Variants in GRK3 observed in about 807,000 individuals in gnomAD.
GRK3 encodes G protein-coupled receptor kinase 3.
GRK3 carries 54 observed loss-of-function variants against 95.7 expected under a neutral mutation model. The ratio of observed to expected loss-of-function variants is 0.56; its 90% CI spans 0.45 to 0.71. The LOEUF is 0.71. Among genes scored for constraint, GRK3 ranks in the 30% least tolerant of loss-of-function variants. The probability of loss-of-function intolerance (pLI) is 0.00; values close to 1 mark genes in which losing one functional copy is unlikely to be tolerated. For missense variants in GRK3, 649 were observed against 851.2 expected (o/e 0.76, Z 2.96); for synonymous variants, 281 against 290.8 (o/e 0.97, Z 0.34).
At chr22:25,584,161 C>G (rs1020406164) in intron 1 of GRK3, among the ~76,000 whole-genome samples, 1 of 152,234 alleles carries the variant, frequency 6.6e-6, no homozygotes, top group Non-Finnish European at 1.5e-5. Flanking sequence ...TTTGAAAGCT[C>G]TGCTTTAGCC....
intron 5 of GRK3, among the ~76,000 whole-genome samples, chr22:25,665,487 C>T (rs2084935626): frequency 2.0e-5 from 3 of 152,100 alleles, no homozygotes; most frequent in African/African-American, 4.8e-5. Context: ...AGGATTCTTT[C>T]ATACCTTCAA....
At chr22:25,675,813 A>G (rs1203989353) in intron 8 of GRK3, among the ~76,000 whole-genome samples, 1 of 152,130 alleles carries the variant, frequency 6.6e-6, no homozygotes, top group Middle Eastern at 3.2e-3. Flanking sequence ...ATTTGTACCC[A>G]TTGGTTGTCT....
At chr22:25,665,218 T>TTAG (rs1308896339) in intron 5 of GRK3, among the ~76,000 whole-genome samples, 1 of 152,268 alleles carries the variant, frequency 6.6e-6, no homozygotes, top group East Asian at 1.9e-4. Flanking sequence ...TCCACAAATG[T>TTAG]TAGCTATTAT....
At chr22:25,714,875 G>A (rs1327220836) in intron 18 of GRK3, among the ~76,000 whole-genome samples, 1 of 152,096 alleles carries the variant, frequency 6.6e-6, no homozygotes, top group African/African-American at 2.4e-5. Context: ...AGTGTCTGGA[G>A]TGGGGTTGGT....
At chr22:25,691,167 A>T (rs1377690568) in intron 12 of GRK3, among the ~76,000 whole-genome samples, 1 of 152,176 alleles carries the variant, frequency 6.6e-6, no homozygotes, top group Non-Finnish European at 1.5e-5. Flanking sequence ...GTATGAACAC[A>T]TGTACAGTTT....
At chr22:25,716,652 C>T (rs2085387983) in intron 18 of GRK3, among the ~76,000 whole-genome samples, 1 of 152,094 alleles carries the variant, frequency 6.6e-6, no homozygotes, top group Non-Finnish European at 1.5e-5. Context: ...TGGTCCTCCA[C>T]ATCTCAGGTT....
chr22:25,691,946 A>G (rs2085167835), intron 12 of GRK3, among the ~76,000 whole-genome samples: 1 of 152,170 alleles, frequency 6.6e-6, no homozygotes. Context: ...TTAAAAAGGT[A>G]AACATACAAC....
At chr22:25,678,176 C>T (rs2223337) in intron 8 of GRK3, among the ~76,000 whole-genome samples, 18,056 of 152,146 alleles carry the variant, frequency 0.12, 1,466 homozygotes, top group East Asian at 0.31. Flanking sequence ...CACTGCTGGC[C>T]GGGCACGGTG....
At chr22:25,631,918 A>G (rs2084666920) in intron 2 of GRK3, among the ~76,000 whole-genome samples, 1 of 152,176 alleles carries the variant, frequency 6.6e-6, no homozygotes, top group African/African-American at 2.4e-5. Flanking sequence ...ATTCCCGTGT[A>G]TTGGGAAGCT....
chr22:25,715,290 G>A (rs911905798), intron 18 of GRK3: 1 of 152,296 alleles, frequency 6.6e-6, no homozygotes, highest in Admixed American at 6.5e-5. Context: ...GAGGCAGGAG[G>A]ATCACTTGAG....
chr22:25,593,695 AT>A (rs1932574401), intron 1 of GRK3, among the ~76,000 whole-genome samples: 1 of 152,012 alleles, frequency 6.6e-6, no homozygotes, highest in Non-Finnish European at 1.5e-5. Flanking sequence ...AGCACTTTAG[AT>A]TAATTGGGCC....
intron 13 of GRK3, among the ~76,000 whole-genome samples, chr22:25,697,228 T>A (rs1304301618): frequency 6.6e-6 from 1 of 152,228 alleles, no homozygotes; most frequent in African/African-American, 2.4e-5. Context: ...TGGCCATGCA[T>A]ATAGGCTGGG....
At chr22:25,592,958 C>T (rs2146329371) in intron 1 of GRK3, among the ~76,000 whole-genome samples, 1 of 152,302 alleles carries the variant, frequency 6.6e-6, no homozygotes, top group Middle Eastern at 3.4e-3. Flanking sequence ...TAATCACCTA[C>T]CGCTGCATTC....
chr22:25,631,914 G>A (rs7284631), intron 2 of GRK3, among the ~76,000 whole-genome samples: 3,404 of 152,212 alleles, frequency 0.022, 62 homozygotes, highest in Middle Eastern at 0.068. Flanking sequence ...GTTCATTCCC[G>A]TGTATTGGGA....
At chr22:25,655,347 C>A (rs1024783864) in intron 3 of GRK3, among the ~76,000 whole-genome samples, 1 of 152,154 alleles carries the variant, frequency 6.6e-6, no homozygotes, top group Non-Finnish European at 1.5e-5. Flanking sequence ...TCCCCAAATC[C>A]AAGCCCATTC....
intron 1 of GRK3, among the ~76,000 whole-genome samples, chr22:25,603,009 T>A (rs1473555190): frequency 2.0e-5 from 3 of 152,190 alleles, no homozygotes; most frequent in Non-Finnish European, 4.4e-5. Flanking sequence ...ATCTGCCTCC[T>A]GGGTTCAAGT....
At chr22:25,617,260 A>T (rs1429045669) in intron 2 of GRK3, among the ~76,000 whole-genome samples, 2 of 152,232 alleles carry the variant, frequency 1.3e-5, no homozygotes, top group East Asian at 3.8e-4. Flanking sequence ...ATGGCTATTT[A>T]AGAAGATTGA....
At chr22:25,587,121 C>G (rs557564338) in intron 1 of GRK3, among the ~76,000 whole-genome samples, 6 of 152,244 alleles carry the variant, frequency 3.9e-5, no homozygotes, top group African/African-American at 1.4e-4. Flanking sequence ...GAACTCCTGA[C>G]CTCAGGTGAT....
At chr22:25,623,370 C>G (rs1433155679) in intron 2 of GRK3, among the ~76,000 whole-genome samples, 1 of 152,192 alleles carries the variant, frequency 6.6e-6, no homozygotes, top group African/African-American at 2.4e-5. Context: ...CGTGTAAGCC[C>G]CTGCCTTTGG....
Sources: allele counts gnomAD v4.1 joint callset (sites outside exome capture counted in the v4.1 genomes callset), GRCh38; gene constraint gnomAD v4.1.1; transcripts MANE v1.5; gene names NCBI Gene and HGNC (gene_info 2026-07-23, HGNC 2026-07-21).